The following COLGALT2 variants were observed in gnomAD, a reference collection of about 807,000 sequenced individuals.
COLGALT2 encodes the protein collagen beta(1-O)galactosyltransferase 2, also known as procollagen galactosyltransferase 2.
Under a neutral mutation model 73.4 loss-of-function variants are expected in COLGALT2, and 49 were observed. The observed-to-expected ratio is 0.67, with a 90% CI of 0.53 to 0.85. The LOEUF (loss-of-function observed/expected upper bound fraction) is 0.85. COLGALT2 is among the 40% of genes least tolerant of loss of function. COLGALT2 has a pLI of 0.00. For synonymous variants in COLGALT2, 295 were observed against 307.6 expected (o/e 0.96, Z 0.43); for missense variants, 722 against 790.2 (o/e 0.91, Z 1.03).
Position 184,007,981 on chromosome 1 carries a change from T to C in COLGALT2, c.263+29114A>G, listed in dbSNP as rs181779590. ...GACATGAACTAGGATCACAGAATGC[T>C]TCCTGCTAACTAAGAACTAAAAGTC... On this transcript the variant is annotated intron_variant, in intron 1 of 11. Transcript: ENST00000361927. Among the ~76,000 whole-genome samples the C allele has an allele frequency of 3.3e-3, 499 of 152,328 alleles. 14 individuals carry two copies. The highest frequency in any genetic ancestry group is 1.2e-3 in the Non-Finnish European group (82 of 68,026).
In COLGALT2 at chr1:184,037,190, G is replaced by A. The variant is rs1373532620; in HGVS notation, c.168C>T (p.Leu56=). Residue 56 remains leucine, a synonymous_variant, in exon 1 of 12, where the codon CTC becomes CTT. Transcript: ENST00000361927. Reference sequence around the variant, plus strand: ...CCGCGTTGCGGGCGAGGACCGCCACGAGCACCGTGGGGCTCTGCAGGGGCG... The same window carrying A: ...CCGCGTTGCGGGCGAGGACCGCCACAAGCACCGTGGGGCTCTGCAGGGGCG... ...PESPLQSPTV[L]VAVLARNAAH... The A allele has an allele frequency of 1.9e-6, 3 of 1,604,970 alleles. No homozygotes were observed. Among genetic ancestry groups the A allele is most frequent in the African/African-American group, 1.3e-5 (1 of 74,342 alleles).
At chr1:184,016,435 T>C (rs532503018) in intron 1 of COLGALT2, among the ~76,000 whole-genome samples, 15 of 152,360 alleles carry the variant, frequency 9.8e-5, no homozygotes, top group South Asian at 2.1e-4. Flanking sequence ...ACTTCATTAA[T>C]TCAGAAAGCA....
chr1:184,029,562 C>T (rs1291988879), intron 1 of COLGALT2, among the ~76,000 whole-genome samples: 1 of 152,248 alleles, frequency 6.6e-6, no homozygotes, highest in East Asian at 1.9e-4. Context: ...AGCTACTCAG[C>T]TCCAACAATA....
exon 12 of COLGALT2, chr1:183,929,995 T>C (rs867933273): frequency 8.5e-5 from 23 of 271,782 alleles, no homozygotes; most frequent in African/African-American, 4.5e-4. Flanking sequence ...ATCTCGGTGT[T>C]TCCCTTCCAG....
chr1:184,016,539 T>C (rs917260768), intron 1 of COLGALT2, among the ~76,000 whole-genome samples: 2 of 152,156 alleles, frequency 1.3e-5, no homozygotes, highest in African/African-American at 4.8e-5. Flanking sequence ...TCAAGTGGCA[T>C]TGGGTGGGGC....
chr1:184,033,279 C>T (rs1417623922), intron 1 of COLGALT2, among the ~76,000 whole-genome samples: 1 of 152,204 alleles, frequency 6.6e-6, no homozygotes, highest in Non-Finnish European at 1.5e-5. Flanking sequence ...GTCAGCCTTC[C>T]CTCTGTTGCT....
At chr1:184,010,735 A>T (rs1224938664) in intron 1 of COLGALT2, among the ~76,000 whole-genome samples, 3 of 152,202 alleles carry the variant, frequency 2.0e-5, no homozygotes, top group African/African-American at 7.2e-5. Context: ...GGGCCACCAA[A>T]TACCCTGCTT....
chr1:183,936,871 C>T lies in COLGALT2; in HGVS notation c.*1890G>A, dbSNP rs1338792011. ...GTGTAGAAGGGTACCCACAGTGAGT[C>T]GGGAAGGAAGGCCGAGGCTGGCGTC... On this transcript the variant is annotated 3_prime_UTR_variant, in exon 12 of 12. Transcript: ENST00000361927. 1.9e-5 allele frequency: 23 copies of T among 1,231,558 alleles called. No homozygotes were observed. The highest frequency in any genetic ancestry group is 6.3e-5 in the East Asian group (2 of 31,700). The allele number at this position is 1,231,558 out of a possible 1,614,324, so 76.3% of individuals were successfully genotyped here. A position where few individuals can be genotyped will look rare whatever the true frequency, so the allele number is the denominator to read the frequency against.
chr1:183,942,011 C>A (rs372550582), intron 10 of COLGALT2, among the ~76,000 whole-genome samples: 1 of 150,320 alleles, frequency 6.7e-6, no homozygotes, highest in Non-Finnish European at 1.5e-5. Context: ...TGCAGTGGTG[C>A]AATCTGAGCT....
At chr1:183,935,433 TCAA>T (rs1168266534), downstream of COLGALT2, among the ~76,000 whole-genome samples, 2 of 152,218 alleles carry the variant, frequency 1.3e-5, no homozygotes, top group South Asian at 2.1e-4. Flanking sequence ...GTCACTGAGA[TCAA>T]CAAGGATTTT....
At chr1:183,944,709 TG>T (rs1287932172) in intron 9 of COLGALT2, among the ~76,000 whole-genome samples, 2 of 152,320 alleles carry the variant, frequency 1.3e-5, no homozygotes, top group African/African-American at 4.8e-5. Context: ...TGTGGGATGC[TG>T]GTTACCTGCT....
chr1:184,000,459 C>G (rs1286880322), intron 1 of COLGALT2, among the ~76,000 whole-genome samples: 2 of 151,102 alleles, frequency 1.3e-5, no homozygotes, highest in African/African-American at 4.9e-5. Context: ...CAAATCAATA[C>G]AAGGAACTTA....
chr1:183,937,789 A>G lies in COLGALT2; in HGVS notation c.*972T>C. On this transcript the variant is annotated 3_prime_UTR_variant, in exon 12 of 12. Transcript: ENST00000361927. ...AAATAATTCAAAATATAATGAAAAA[A>G]CTCTGGCAAGGATAGTTGCTGGCCT... 1 of 985,022 alleles carries G rather than the reference A, an allele frequency of 1.0e-6. No individual in the cohort carries two copies. Among genetic ancestry groups the G allele is most frequent in the South Asian group, 4.7e-5 (1 of 21,238 alleles). 61.0% of individuals were successfully genotyped at this position (985,022 alleles called of 1,614,324 possible).
At chr1:183,971,940 A>G (rs1486443970) in intron 4 of COLGALT2, among the ~76,000 whole-genome samples, 2 of 152,214 alleles carry the variant, frequency 1.3e-5, no homozygotes, top group Non-Finnish European at 2.9e-5. Flanking sequence ...GCATGGTGGG[A>G]GTATTTAAAC....
chr1:184,026,146 A>G (rs1258483493), intron 1 of COLGALT2, among the ~76,000 whole-genome samples: 1 of 152,210 alleles, frequency 6.6e-6, no homozygotes, highest in Non-Finnish European at 1.5e-5. Context: ...TTCACAGGAC[A>G]ACACAGATAG....
At chr1:183,955,174 T>A (rs759097619) in intron 6 of COLGALT2, among the ~76,000 whole-genome samples, 2 of 151,806 alleles carry the variant, frequency 1.3e-5, no homozygotes, top group Admixed American at 6.6e-5. Flanking sequence ...TGCGAAGGAG[T>A]AGGAGAGTTA....
chr1:184,018,215 G>T (rs892357274), intron 1 of COLGALT2, among the ~76,000 whole-genome samples: 1 of 151,964 alleles, frequency 6.6e-6, no homozygotes, highest in Non-Finnish European at 1.5e-5. Flanking sequence ...GGCTGCAGTG[G>T]GCTACGATCA....
intron 6 of COLGALT2, among the ~76,000 whole-genome samples, chr1:183,963,498 T>C (rs17504880): frequency 0.21 from 32,045 of 152,102 alleles, 3,901 homozygotes; most frequent in Non-Finnish European, 0.28. Flanking sequence ...TTTTTACATA[T>C]ACCATAATGA....
Position 183,969,459 on chromosome 1 carries a change from C to A in COLGALT2, c.642G>T (p.Arg214Ser). 1 of 1,610,426 alleles carries A rather than the reference C, an allele frequency of 6.2e-7. No individual in the cohort carries two copies. Reference sequence around the variant, plus strand: ...CTCGAATCTGAACGTAGTCTGGGGTCCTCTTATAGAAGCCCTGTAAAAGAG... The same window carrying A: ...CTCGAATCTGAACGTAGTCTGGGGTACTCTTATAGAAGCCCTGTAAAAGAG... Reference protein sequence around the residue: ...CGITPKGFYKRTPDYVQIREW... With the variant: ...CGITPKGFYKSTPDYVQIREW... The change falls in exon 5 of 12, where the codon AGG (arginine) becomes AGT (serine). Residue 214 changes from arginine to serine, a missense_variant. Coordinates refer to ENST00000361927, the MANE Select transcript of COLGALT2 (RefSeq NM_015101.4).
Sources: gnomAD v4.1 joint callset for allele counts (sites outside exome capture counted in the v4.1 genomes callset) on GRCh38, gnomAD v4.1.1 for gene constraint, MANE v1.5 for transcripts, NCBI Gene and HGNC (gene_info 2026-07-23, HGNC 2026-07-21) for gene names.